The following SV2C variants were observed in gnomAD, a reference collection of about 807,000 sequenced individuals.
SV2C encodes the protein solute carrier family 22 member B3.
A neutral mutation model predicts 79.7 loss-of-function variants in SV2C; 49 were observed. The ratio of observed to expected loss-of-function variants is 0.61; its 90% CI spans 0.49 to 0.78. The LOEUF is 0.78. Ranked by LOEUF, SV2C falls within the 30% of genes least tolerant of loss-of-function variation. The pLI is 0.00. For synonymous variants in SV2C, 334 were observed against 333.2 expected, an observed-to-expected ratio of 1.00 and a Z score of -0.03; for missense variants, 833 against 912.9, an observed-to-expected ratio of 0.91 and a Z score of 1.13.
At chr5:76,244,994 T>C (rs1745901303) in intron 4 of SV2C, among the ~76,000 whole-genome samples, 1 of 152,242 alleles carries the variant, frequency 6.6e-6, no homozygotes, top group Non-Finnish European at 1.5e-5. Context: ...TGACAGGAAC[T>C]GTCTCTTTCT....
the SV2C span, among the ~76,000 whole-genome samples, chr5:75,956,283 A>C: frequency 4.8e-5 from 7 of 146,992 alleles, no homozygotes; most frequent in East Asian, 1.4e-3. Flanking sequence ...ATTCTCAGTA[A>C]ACTATCGCAA....
At chr5:76,019,751 A>C in the SV2C span, among the ~76,000 whole-genome samples, 1 of 152,188 alleles carries the variant, frequency 6.6e-6, no homozygotes, top group African/African-American at 2.4e-5. Flanking sequence ...AGGCCATACA[A>C]TTGGGGAAAA....
intron 4 of SV2C, among the ~76,000 whole-genome samples, chr5:76,278,600 G>A (rs937397343): frequency 1.3e-5 from 2 of 152,130 alleles, no homozygotes; most frequent in African/African-American, 4.8e-5. Flanking sequence ...ATGCGTGGCT[G>A]GGCTTCCAGG....
chr5:76,090,936 C>T (rs1561211207), intron 1 of SV2C, among the ~76,000 whole-genome samples: 1 of 152,182 alleles, frequency 6.6e-6, no homozygotes, highest in East Asian at 1.9e-4. Context: ...AGGTGACCCA[C>T]TTTGTCATTT....
At chr5:76,271,616 C>CTTTTTTTTTTTTTTTT (rs34458409) in intron 4 of SV2C, among the ~76,000 whole-genome samples, 9 of 96,064 alleles carry the variant, frequency 9.4e-5, no homozygotes, top group South Asian at 3.6e-4. Context: ...AGCATGTGTT[C>CTTTTTTTTTTTTTTTT]TTTTTTTTTT....
the SV2C span, among the ~76,000 whole-genome samples, chr5:75,870,486 A>AAAAATT: frequency 6.7e-6 from 1 of 148,814 alleles, no homozygotes; most frequent in Non-Finnish European, 1.5e-5. Flanking sequence ...AAAAAAATTA[A>AAAAATT]AAAAAATGAA....
the SV2C span, among the ~76,000 whole-genome samples, chr5:75,986,598 T>C: frequency 6.6e-6 from 1 of 152,128 alleles, no homozygotes; most frequent in East Asian, 1.9e-4. Context: ...ACAGCAGCAA[T>C]AGAAAACTAA....
the SV2C span, among the ~76,000 whole-genome samples, chr5:76,056,073 G>C: frequency 1.3e-5 from 2 of 152,104 alleles, no homozygotes; most frequent in Non-Finnish European, 2.9e-5. Flanking sequence ...TCTTGTGCTG[G>C]TTTTCAAAGG....
chr5:75,993,073 C>T, the SV2C span, among the ~76,000 whole-genome samples: 2 of 151,958 alleles, frequency 1.3e-5, no homozygotes, highest in Non-Finnish European at 2.9e-5. Context: ...AACTATACAA[C>T]AAGAAGAAGG....
intron 3 of SV2C, among the ~76,000 whole-genome samples, chr5:76,202,466 T>A (rs985842954): frequency 6.6e-6 from 1 of 152,190 alleles, no homozygotes; most frequent in African/African-American, 2.4e-5. Context: ...GGGCCCATGC[T>A]CATAACCATC....
intron 1 of SV2C, among the ~76,000 whole-genome samples, chr5:76,095,326 T>G (rs549612067): frequency 1.3e-5 from 2 of 152,100 alleles, no homozygotes; most frequent in African/African-American, 4.8e-5. Context: ...TAGAATTTCA[T>G]TGATATGCCT....
intron 2 of SV2C, among the ~76,000 whole-genome samples, chr5:76,186,507 C>T (rs909122668): frequency 6.6e-6 from 1 of 152,116 alleles, no homozygotes; most frequent in Admixed American, 6.5e-5. Flanking sequence ...GCCTGGCCAA[C>T]ATGGTGAAAC....
intron 3 of SV2C, among the ~76,000 whole-genome samples, chr5:76,207,029 GC>G (rs1744626637): frequency 6.6e-6 from 1 of 152,074 alleles, no homozygotes; most frequent in Non-Finnish European, 1.5e-5. Flanking sequence ...ATAACCACGT[GC>G]AAAAGAGGCA....
At chr5:76,037,948 A>G in the SV2C span, among the ~76,000 whole-genome samples, 2 of 152,126 alleles carry the variant, frequency 1.3e-5, no homozygotes, top group East Asian at 1.9e-4. Flanking sequence ...TTCCTGGTGC[A>G]CCATTTTTTA....
At chr5:76,157,582 C>CAT (rs1341723057) in intron 2 of SV2C, among the ~76,000 whole-genome samples, 8 of 151,578 alleles carry the variant, frequency 5.3e-5, no homozygotes, top group Admixed American at 2.6e-4. Context: ...TACACACATA[C>CAT]ATATATATAT....
intron 1 of SV2C, among the ~76,000 whole-genome samples, chr5:76,085,854 C>G (rs1747174626): frequency 6.6e-6 from 1 of 151,746 alleles, no homozygotes; most frequent in African/African-American, 2.4e-5. Flanking sequence ...CACACACACA[C>G]ACACAGAATT....
chr5:76,328,127 C>G lies in SV2C; in HGVS notation c.*2580C>G, dbSNP rs905124276. On this transcript the variant is annotated 3_prime_UTR_variant, in exon 13 of 13. Coordinates refer to ENST00000502798, the MANE Select transcript of SV2C (RefSeq NM_014979.4). ...ATCATTTCCAAAGCATGTGGTGTGG[C>G]CTGTATAGCTTGCTCCAGATTTAGC... 2 of 152,166 alleles carry G rather than the reference C, an allele frequency of 1.3e-5. No homozygotes were observed. The highest frequency in any genetic ancestry group is 2.9e-5 in the Non-Finnish European group (2 of 68,044). The allele number at this position is 152,166 out of a possible 1,614,324, so 9.4% of individuals were successfully genotyped here.
the SV2C span, among the ~76,000 whole-genome samples, chr5:75,999,504 T>A: frequency 6.6e-6 from 1 of 152,000 alleles, no homozygotes; most frequent in Non-Finnish European, 1.5e-5. Context: ...GCCCATGGTG[T>A]AATTCTGCCC....
intron 4 of SV2C, among the ~76,000 whole-genome samples, chr5:76,275,258 C>A (rs1015097551): frequency 6.6e-6 from 1 of 152,056 alleles, no homozygotes; most frequent in African/African-American, 2.4e-5. Context: ...GAGGCCGAGG[C>A]GGGCAGATCA....
Sources: allele counts gnomAD v4.1 joint callset (sites outside exome capture counted in the v4.1 genomes callset), GRCh38; gene constraint gnomAD v4.1.1; transcripts MANE v1.5; gene names NCBI Gene and HGNC (gene_info 2026-07-23, HGNC 2026-07-21).